SYNDIG1: variants seen among roughly 807,000 people sequenced by gnomAD.
SYNDIG1 encodes synapse differentiation inducing 1, also known as synapse differentiation-inducing gene protein 1.
In SYNDIG1, 9 loss-of-function variants were observed where a neutral mutation model predicts 19.4. The observed-to-expected ratio is 0.46, with a 90% confidence interval of 0.28 to 0.81. The LOEUF (loss-of-function observed/expected upper bound fraction) is 0.81, where lower values mean the gene tolerates loss of function less well. Among genes scored for constraint, SYNDIG1 ranks in the 30% least tolerant of loss-of-function variants. The pLI is 0.12. For missense variants in SYNDIG1, 311 were observed against 343.3 expected, an observed-to-expected ratio of 0.91 and a Z score of 0.74; for synonymous variants, 141 against 145.9, an observed-to-expected ratio of 0.97 and a Z score of 0.24.
chr20:24,537,731 G>C (rs187818219), intron 1 of SYNDIG1, among the ~76,000 whole-genome samples: 3 of 152,148 alleles, frequency 2.0e-5, no homozygotes, highest in African/African-American at 7.2e-5. Context: ...TTGGCAAGAT[G>C]AAAGAGGGAT....
At chr20:24,620,597 G>C (rs1450171184) in intron 3 of SYNDIG1, among the ~76,000 whole-genome samples, 1 of 152,222 alleles carries the variant, frequency 6.6e-6, no homozygotes, top group Non-Finnish European at 1.5e-5. Context: ...TCAAAGCTAG[G>C]CAGCATCACT....
rs555503038 is a variant in SYNDIG1 at position 24,634,920 on chromosome 20, G to C, written c.619-30426G>C. 2.6e-5 allele frequency among the ~76,000 whole-genome samples: 4 copies of C among 152,228 alleles called. No individual in the cohort carries two copies. The East Asian group carries it at 7.7e-4, about 29-fold the overall frequency. On this transcript the variant is annotated intron_variant, in intron 3 of 3. Coordinates refer to ENST00000376862, the MANE Select transcript of SYNDIG1 (RefSeq NM_024893.3). ...TACAGCTGCTGAGCATTGGTTGTGCGGTGTCTCACAGTGACTCAGCAGAAG... is the reference window on the plus strand; with the variant it reads ...TACAGCTGCTGAGCATTGGTTGTGCCGTGTCTCACAGTGACTCAGCAGAAG...
At chr20:24,620,797 G>A (rs1049204185) in intron 3 of SYNDIG1, among the ~76,000 whole-genome samples, 1 of 152,124 alleles carries the variant, frequency 6.6e-6, no homozygotes, top group African/African-American at 2.4e-5. Flanking sequence ...ATAGGAAAAT[G>A]AATAATGACG....
At chr20:24,531,421 T>C (rs1241278335) in intron 1 of SYNDIG1, among the ~76,000 whole-genome samples, 2 of 152,086 alleles carry the variant, frequency 1.3e-5, no homozygotes, top group African/African-American at 4.8e-5. Flanking sequence ...ACATAGACTT[T>C]TAAAAAAAAT....
intron 3 of SYNDIG1, among the ~76,000 whole-genome samples, chr20:24,649,792 C>T (rs760104717): frequency 6.6e-6 from 1 of 152,152 alleles, no homozygotes; most frequent in Non-Finnish European, 1.5e-5. Context: ...AGGGGTCACC[C>T]ATGTCATCCC....
intron 1 of SYNDIG1, among the ~76,000 whole-genome samples, chr20:24,470,609 G>C (rs2055406569): frequency 6.6e-6 from 1 of 152,190 alleles, no homozygotes; most frequent in Non-Finnish European, 1.5e-5. Context: ...TGGCTCACTG[G>C]ATGAGTTGGG....
intron 2 of SYNDIG1, among the ~76,000 whole-genome samples, chr20:24,577,703 T>TGGCCTGTCCTC (rs2058252760): frequency 6.6e-6 from 1 of 152,222 alleles, no homozygotes; most frequent in African/African-American, 2.4e-5. Context: ...GTGCTGTCCT[T>TGGCCTGTCCTC]GGTCCTGTCC....
chr20:24,632,373 G>A (rs539189873), intron 3 of SYNDIG1, among the ~76,000 whole-genome samples: 6 of 152,256 alleles, frequency 3.9e-5, no homozygotes, highest in African/African-American at 1.4e-4. Flanking sequence ...CTGAGTAGCT[G>A]GGATTACAGG....
chr20:24,553,553 G>T (rs73612607), intron 2 of SYNDIG1, among the ~76,000 whole-genome samples: 10,423 of 152,156 alleles, frequency 0.069, 478 homozygotes, highest in East Asian at 0.14. Flanking sequence ...CCCAGCACCA[G>T]TTATTAAATA....
intron 3 of SYNDIG1, among the ~76,000 whole-genome samples, chr20:24,596,080 GATGTGGGC>G (rs1281970190): frequency 6.6e-6 from 1 of 152,064 alleles, no homozygotes; most frequent in African/African-American, 2.4e-5. Flanking sequence ...CTAACTTTTT[GATGTGGGC>G]ATTTAGCACC....
intron 3 of SYNDIG1, among the ~76,000 whole-genome samples, chr20:24,620,411 T>C (rs1259361616): frequency 6.6e-6 from 1 of 152,232 alleles, no homozygotes; most frequent in Non-Finnish European, 1.5e-5. Context: ...TGGTCATCAG[T>C]GCTGGCTGTT....
rs771848939 is a variant in SYNDIG1, at chr20:24,543,252, G to A, written c.155G>A (p.Arg52Gln). Residue 52 changes from arginine to glutamine, a missense_variant, in exon 2 of 4, where the codon CGG (arginine) becomes CAG (glutamine). Transcript: ENST00000376862. ...VYPAPQYQSH[R>Q]VGASTVPASL... ...CCAGCGCCCCAGTACCAGAGCCACC[G>A]GGTGGGGGCCAGCACAGTGCCGGCC... is the stretch of plus-strand genomic sequence containing the variant. 2.1e-5 allele frequency: 34 copies of A among 1,613,602 alleles called. No homozygotes were observed. The East Asian group carries it at 4.9e-4, about 23-fold the overall frequency.
At position 24,647,129 on chromosome 20, in the gene SYNDIG1, C is replaced by T. The variant is rs150846544; in HGVS notation, c.619-18217C>T. Reference sequence around the variant, plus strand: ...CTTTGGAATTCATTCCAAACAAGCACATTCTTGTTAGCTTGCACCTGACAG... The same window carrying T: ...CTTTGGAATTCATTCCAAACAAGCATATTCTTGTTAGCTTGCACCTGACAG... On this transcript the variant is annotated intron_variant, in intron 3 of 3. Transcript: ENST00000376862. Among the ~76,000 whole-genome samples the T allele has an allele frequency of 3.9e-5, 6 of 152,290 alleles. No individual in the cohort carries two copies. In the East Asian group the frequency reaches 1.2e-3, roughly 29 times the overall value.
At chr20:24,482,485 C>G (rs1425487564) in intron 1 of SYNDIG1, among the ~76,000 whole-genome samples, 1 of 152,214 alleles carries the variant, frequency 6.6e-6, no homozygotes, top group Admixed American at 6.5e-5. Flanking sequence ...CCTGAGGCAG[C>G]CTTTGGGATC....
At chr20:24,608,272 G>A (rs1208393060) in intron 3 of SYNDIG1, among the ~76,000 whole-genome samples, 4 of 151,152 alleles carry the variant, frequency 2.6e-5, no homozygotes, top group African/African-American at 7.3e-5. Context: ...TCCGCCTCCC[G>A]GGTTCTAGCG....
chr20:24,665,582 T>C lies in SYNDIG1; in HGVS notation c.*78T>C, dbSNP rs1458827874. The C allele has an allele frequency of 1.9e-6, 3 of 1,569,502 alleles. No individual in the cohort carries two copies. Among genetic ancestry groups the C allele is most frequent in the African/African-American group, 2.8e-5 (2 of 72,634 alleles). ...AGGAAGCAGGCATACCGCATGATGCTGTACAGTACAAATGATTGCCAAATG... is the reference window on the plus strand; with the variant it reads ...AGGAAGCAGGCATACCGCATGATGCCGTACAGTACAAATGATTGCCAAATG... On this transcript the variant is annotated 3_prime_UTR_variant, in exon 4 of 4. Coordinates refer to ENST00000376862, the MANE Select transcript of SYNDIG1 (RefSeq NM_024893.3).
At chr20:24,599,045 A>G (rs911914581) in intron 3 of SYNDIG1, among the ~76,000 whole-genome samples, 2 of 152,232 alleles carry the variant, frequency 1.3e-5, no homozygotes, top group Non-Finnish European at 2.9e-5. Context: ...CAACAGAGTA[A>G]AGAGACAACT....
intron 3 of SYNDIG1, among the ~76,000 whole-genome samples, chr20:24,661,003 C>T (rs1298043418): frequency 6.6e-6 from 1 of 152,240 alleles, no homozygotes; most frequent in Non-Finnish European, 1.5e-5. Flanking sequence ...ATGGCAGCTG[C>T]ACCCCCACAG....
At chr20:24,489,333 G>A (rs894211690) in intron 1 of SYNDIG1, among the ~76,000 whole-genome samples, 3 of 144,488 alleles carry the variant, frequency 2.1e-5, no homozygotes, top group Admixed American at 1.4e-4. Context: ...CACACATATA[G>A]ATTCATGCAC....
Sources: allele counts gnomAD v4.1 joint callset (sites outside exome capture counted in the v4.1 genomes callset), GRCh38; gene constraint gnomAD v4.1.1; transcripts MANE v1.5; gene names NCBI Gene and HGNC (gene_info 2026-07-23, HGNC 2026-07-21).